Variants in DNAJC1 observed in about 807,000 individuals in gnomAD.
DNAJC1 encodes the protein DnaJ heat shock protein family (Hsp40) member C1, also known as dnaJ homolog subfamily C member 1.
In DNAJC1, 58 loss-of-function variants were observed where a neutral mutation model predicts 76.6. The observed-to-expected ratio is 0.76, with a 90% CI of 0.61 to 0.94. DNAJC1 has a LOEUF of 0.94. Ranked by LOEUF, DNAJC1 falls within the 40% of genes least tolerant of loss-of-function variation. The pLI is 0.00. For missense variants in DNAJC1, 689 were observed against 677.3 expected (o/e 1.02, Z -0.19); for synonymous variants, 258 against 267.9 (o/e 0.96, Z 0.36).
intron 6 of DNAJC1, among the ~76,000 whole-genome samples, chr10:21,910,525 C>A (rs1836837424): frequency 6.6e-6 from 1 of 151,652 alleles, no homozygotes; most frequent in South Asian, 2.1e-4. Flanking sequence ...ATTAAGCAAT[C>A]CAAAGAAAAG....
chr10:21,796,098 T>C (rs1436311263), intron 9 of DNAJC1, among the ~76,000 whole-genome samples: 1 of 151,378 alleles, frequency 6.6e-6, no homozygotes, highest in Non-Finnish European at 1.5e-5. Context: ...GCCTCCCGAG[T>C]AGCTAGGATT....
rs1441934684 is a variant in DNAJC1, at chr10:21,836,358, G to C, written c.979-30259C>G. Among the ~76,000 whole-genome samples the C allele has an allele frequency of 3.3e-5, 5 of 152,266 alleles. No homozygotes were observed. In the East Asian group the frequency reaches 9.6e-4, roughly 29 times the overall value. On this transcript the variant is annotated intron_variant, in intron 8 of 11. Coordinates refer to ENST00000376980, the MANE Select transcript of DNAJC1 (RefSeq NM_022365.4). ...ACATGGAAAGGAACAACCAGTACCA[G>C]CCACTGCAAAAAACATGCCAAACTG...
At chr10:21,873,555 A>T (rs927556021) in intron 8 of DNAJC1, among the ~76,000 whole-genome samples, 1 of 152,218 alleles carries the variant, frequency 6.6e-6, no homozygotes, top group Non-Finnish European at 1.5e-5. Context: ...AGATATTCTC[A>T]GTAAAATAAA....
chr10:21,788,221 G>C (rs1254515111), intron 9 of DNAJC1, among the ~76,000 whole-genome samples: 1 of 152,204 alleles, frequency 6.6e-6, no homozygotes, highest in Non-Finnish European at 1.5e-5. Flanking sequence ...GCCCCTACAA[G>C]CCTGAGCTGG....
intron 1 of DNAJC1, among the ~76,000 whole-genome samples, chr10:21,942,196 T>C (rs1259056211): frequency 6.6e-6 from 1 of 151,972 alleles, no homozygotes; most frequent in African/African-American, 2.4e-5. Flanking sequence ...GATATTAACA[T>C]TGGAAAATGG....
At chr10:21,870,870 G>A (rs781239958) in intron 8 of DNAJC1, among the ~76,000 whole-genome samples, 7 of 151,916 alleles carry the variant, frequency 4.6e-5, no homozygotes, top group Non-Finnish European at 8.8e-5. Flanking sequence ...GTAACTTTAC[G>A]GCACATTAAT....
chr10:21,995,357 A>G (rs1564848318), intron 1 of DNAJC1, among the ~76,000 whole-genome samples: 2 of 152,310 alleles, frequency 1.3e-5, no homozygotes, highest in East Asian at 3.9e-4. Context: ...CTCACTATAC[A>G]GGCCACAGTT....
At chr10:21,955,552 T>C (rs1837664966) in intron 1 of DNAJC1, among the ~76,000 whole-genome samples, 1 of 152,064 alleles carries the variant, frequency 6.6e-6, no homozygotes, top group Non-Finnish European at 1.5e-5. Flanking sequence ...ATAACAAAAA[T>C]TATATATATT....
chr10:21,870,030 C>T (rs1029955451), intron 8 of DNAJC1, among the ~76,000 whole-genome samples: 3 of 152,012 alleles, frequency 2.0e-5, no homozygotes, highest in African/African-American at 7.3e-5. Flanking sequence ...GAATCTCTCT[C>T]ATAAACATAA....
At chr10:21,917,510 T>TAATC (rs1836976368) in intron 6 of DNAJC1, among the ~76,000 whole-genome samples, 1 of 152,012 alleles carries the variant, frequency 6.6e-6, no homozygotes, top group Non-Finnish European at 1.5e-5. Context: ...TGGCAAAAAA[T>TAATC]AATCAGACTT....
chr10:21,788,318 T>C (rs1447004240), intron 9 of DNAJC1, among the ~76,000 whole-genome samples: 1 of 152,182 alleles, frequency 6.6e-6, no homozygotes, highest in Non-Finnish European at 1.5e-5. Context: ...CACACCCCTT[T>C]AGGCCAGAGC....
intron 6 of DNAJC1, among the ~76,000 whole-genome samples, chr10:21,917,139 GT>G (rs1204698020): frequency 2.0e-5 from 3 of 151,840 alleles, no homozygotes; most frequent in Non-Finnish European, 4.4e-5. Context: ...AAAAAGCAGA[GT>G]TTCTAAAGAA....
At chr10:21,793,225 G>A (rs1834712054) in intron 9 of DNAJC1, among the ~76,000 whole-genome samples, 1 of 152,136 alleles carries the variant, frequency 6.6e-6, no homozygotes, top group Non-Finnish European at 1.5e-5. Flanking sequence ...AGAATCACTT[G>A]AACCCGGGAA....
Position 21,919,888 on chromosome 10 carries a change from C to T in DNAJC1, c.579G>A (p.Lys193=), listed in dbSNP as rs1420594190. The change falls in exon 5 of 12, where the codon AAG becomes AAA. Residue 193 remains lysine (K), a synonymous_variant. Transcript: ENST00000376980. ...LSRKKREKKK[K]TGSKSVDVSK... ...ATACATCCACACTCTTGCTGCCAGT[C>T]TTTTTTTTCTTTTCTCTCTTTTTTC... The T allele has an allele frequency of 3.1e-6, 5 of 1,607,260 alleles. No homozygotes were observed. Among genetic ancestry groups the T allele is most frequent in the Non-Finnish European group, 4.2e-6 (5 of 1,178,066 alleles).
chr10:21,781,304 T>G (rs918889458), intron 9 of DNAJC1, among the ~76,000 whole-genome samples: 2 of 152,124 alleles, frequency 1.3e-5, no homozygotes, highest in Non-Finnish European at 2.9e-5. Context: ...CAGCAACACA[T>G]CGCACTTATT....
intron 1 of DNAJC1, among the ~76,000 whole-genome samples, chr10:21,958,362 C>T (rs932690991): frequency 6.6e-5 from 10 of 151,506 alleles, no homozygotes; most frequent in Admixed American, 3.9e-4. Flanking sequence ...TGCAACATCA[C>T]GATAATCTAG....
chr10:21,956,730 G>A (rs1837690529), intron 1 of DNAJC1, among the ~76,000 whole-genome samples: 1 of 150,762 alleles, frequency 6.6e-6, no homozygotes, highest in Non-Finnish European at 1.5e-5. Flanking sequence ...ACCCTACCTG[G>A]CACCTTGCCT....
chr10:21,965,740 G>A (rs1301594049), intron 1 of DNAJC1, among the ~76,000 whole-genome samples: 3 of 152,024 alleles, frequency 2.0e-5, no homozygotes, highest in East Asian at 1.9e-4. Flanking sequence ...CCATATATAC[G>A]AGTATATACC....
chr10:21,799,520 C>T (rs913116661), intron 9 of DNAJC1, among the ~76,000 whole-genome samples: 5 of 152,102 alleles, frequency 3.3e-5, no homozygotes, highest in Non-Finnish European at 5.9e-5. Flanking sequence ...CCAGGCTGGT[C>T]GCAAACTTCT....
Sources: allele counts gnomAD v4.1 joint callset (sites outside exome capture counted in the v4.1 genomes callset), GRCh38; gene constraint gnomAD v4.1.1; transcripts MANE v1.5; gene names NCBI Gene and HGNC (gene_info 2026-07-23, HGNC 2026-07-21).